Variants in PIK3R2 observed in about 807,000 individuals in gnomAD.
The protein encoded by PIK3R2 is phosphatidylinositol 3-kinase regulatory subunit beta.
PIK3R2 carries 40 observed loss-of-function variants against 78.5 expected under a neutral mutation model. The ratio of observed to expected loss-of-function variants is 0.51; its 90% CI spans 0.40 to 0.66. The LOEUF (loss-of-function observed/expected upper bound fraction) is 0.66, where lower values mean the gene tolerates loss of function less well. Ranked by LOEUF, PIK3R2 falls within the 30% of genes least tolerant of loss-of-function variation. The probability of loss-of-function intolerance (pLI) is 0.00; values close to 1 mark genes in which losing one functional copy is unlikely to be tolerated. For missense variants in PIK3R2, 880 were observed against 1,026.6 expected (o/e 0.86, Z 1.95); for synonymous variants, 473 against 457.7 (o/e 1.03, Z -0.43).
At position 18,162,473 on chromosome 19, in the gene PIK3R2, G is replaced by C. The variant is rs1041937206; in HGVS notation, c.1076G>C (p.Ser359Thr). 1.1e-5 allele frequency: 17 copies of C among 1,613,306 alleles called. No individual in the cohort carries two copies. The Admixed American group carries it at 1.3e-4, about 13-fold the overall frequency. The change falls in exon 9 of 16, where the codon AGC (serine) becomes ACC (threonine). Residue 359 changes from serine to threonine, a missense_variant. Around this residue, in one of 3 missense-constraint regions of PIK3R2, gnomAD observed 156 missense variants for 241.0 expected, o/e 0.65. Coordinates refer to ENST00000222254, the MANE Select transcript of PIK3R2 (RefSeq NM_005027.4). The stretch of plus-strand genomic sequence containing the variant: ...ACCTTCCTAGTCCGAGATGCTTCTA[G>C]CAAGATCCAGGGCGAGTACACGCTG... ...DGTFLVRDAS[S>T]KIQGEYTLTL... is the part of the protein sequence containing the mutation.
chr19:18,156,847 G>C lies in PIK3R2; in HGVS notation c.322+646G>C, dbSNP rs943037618. 6.6e-6 allele frequency among the ~76,000 whole-genome samples: 1 copy of C among 152,028 alleles called. No homozygotes were observed. The highest frequency in any genetic ancestry group is 1.5e-5 in the Non-Finnish European group (1 of 67,982). ...ACTTGCCAGGGGTGTGCCAGGTGTA[G>C]AGAATCGGGGGCACCGAGCCCACTC... On this transcript the variant is annotated intron_variant, in intron 2 of 15. Transcript: ENST00000222254. The surrounding 1 kb of genome is among the most constrained non-coding windows in gnomAD (Gnocchi z 4.2).
At chr19:18,160,350 G>A (rs2043727941) in intron 2 of PIK3R2, 121 bp from the exon 3 acceptor site, 1 of 684,482 alleles carries the variant, frequency 1.5e-6, no homozygotes, top group Non-Finnish European at 2.6e-6. Flanking sequence ...AAGGTGCCAA[G>A]CACTTGCCTG....
intron 1 of PIK3R2, among the ~76,000 whole-genome samples, chr19:18,154,226 A>C (rs371392224): frequency 7.0e-4 from 106 of 152,170 alleles, no homozygotes; most frequent in African/African-American, 2.5e-3. Context: ...CTGAACCCGC[A>C]GGGCTAGGCT....
In PIK3R2 at chr19:18,162,446, G is replaced by A. The variant is rs2147952176; in HGVS notation, c.1049G>A (p.Gly350Asp). Residue 350 changes from glycine (G) to aspartate (D), a missense_variant, in exon 9 of 16, where the codon GGC (glycine) becomes GAC (aspartate). By Grantham distance (94) the Gly-to-Asp change is moderately conservative. This residue lies in a region of PIK3R2 where 156 missense variants were observed against 241.0 expected (regional missense o/e 0.65). Coordinates refer to ENST00000222254, the MANE Select transcript of PIK3R2 (RefSeq NM_005027.4). ...VNEKLRDTPD[G>D]TFLVRDASSK... is the part of the protein sequence containing the mutation. ...GAGAAACTCCGGGACACTCCCGATGGCACCTTCCTAGTCCGAGATGCTTCT... is the reference window on the plus strand; with the variant it reads ...GAGAAACTCCGGGACACTCCCGATGACACCTTCCTAGTCCGAGATGCTTCT... 1 of 1,613,596 alleles carries A rather than the reference G, an allele frequency of 6.2e-7. No individual in the cohort carries two copies.
intron 2 of PIK3R2, among the ~76,000 whole-genome samples, chr19:18,158,716 T>G (rs1324984809): frequency 2.0e-5 from 3 of 152,202 alleles, no homozygotes; most frequent in South Asian, 4.1e-4. Flanking sequence ...TGGCCAAGAT[T>G]GCACAGCAGG....
chr19:18,163,478 G>A (rs2043774650), intron 11 of PIK3R2, 90 bp downstream of exon 11: 1 of 1,411,450 alleles, frequency 7.1e-7, no homozygotes, highest in East Asian at 2.3e-5. Flanking sequence ...GAGGACTTGA[G>A]GATGAATATC....
chr19:18,159,421 T>C (rs189587902), intron 2 of PIK3R2, among the ~76,000 whole-genome samples: 7 of 152,020 alleles, frequency 4.6e-5, no homozygotes, highest in African/African-American at 1.4e-4. Flanking sequence ...CATGGGTTGA[T>C]TATTCCAGTC....
At chr19:18,157,364 C>T (rs76744457) in intron 2 of PIK3R2, among the ~76,000 whole-genome samples, 5,837 of 151,862 alleles carry the variant, frequency 0.038, 150 homozygotes, top group Non-Finnish European at 0.05. Flanking sequence ...CCACCATACA[C>T]GGCCCCACGT....
rs759031507 is a variant in PIK3R2, at chr19:18,162,221, C to T, written c.921C>T (p.Pro307=). Reference sequence around the variant, plus strand: ...CCCCAGCGCTGCCGCCTAAACCCCCCAAGGCAAAGCCGGCCTCCACAGTCC... The same window carrying T: ...CCCCAGCGCTGCCGCCTAAACCCCCTAAGGCAAAGCCGGCCTCCACAGTCC... ...VAPPALPPKP[P]KAKPASTVLA... Residue 307 remains proline (P), a synonymous_variant, in exon 8 of 16, where the codon CCC becomes CCT. Transcript: ENST00000222254. The T allele has an allele frequency of 1.5e-5, 24 of 1,591,864 alleles. No individual in the cohort carries two copies. In the South Asian group the frequency reaches 2.5e-4, roughly 17 times the overall value.
Position 18,161,889 on chromosome 19 carries a change from G to C in PIK3R2, c.816-77G>C, listed in dbSNP as rs2043751648. 5 of 1,189,068 alleles carry C rather than the reference G, an allele frequency of 4.2e-6. No homozygotes were observed. The highest frequency in any genetic ancestry group is 6.3e-6 in the Non-Finnish European group (5 of 797,234). 73.7% of individuals were successfully genotyped at this position (1,189,068 alleles called of 1,614,324 possible). On this transcript the variant is annotated intron_variant, in intron 6 of 15. Coordinates refer to ENST00000222254, the MANE Select transcript of PIK3R2 (RefSeq NM_005027.4). The surrounding 1 kb of genome is among the most constrained non-coding windows in gnomAD (Gnocchi z 5.3). ...CTCGTATATACCCCCAGGCGTGCAA[G>C]CGCACGCACAATCCTGTGCACATGC...
Position 18,156,206 on chromosome 19 carries a change from G to A in PIK3R2, c.322+5G>A. On this transcript the variant is annotated splice_donor_5th_base_variant and intron_variant, in intron 2 of 15. Transcript: ENST00000222254. This position sits in a 1 kb window ranked among gnomAD's most constrained non-coding sequence, Gnocchi z 4.2. The stretch of plus-strand genomic sequence containing the variant: ...GTGATGGGGCCCCTGAGCCAGGTGA[G>A]CAGCAAGCAGGGGCCCTGGAAAGGG... The A allele has an allele frequency of 2.0e-6, 3 of 1,467,600 alleles. No homozygotes were observed. The South Asian group carries it at 4.3e-5, about 21-fold the overall frequency. 90.9% of individuals were successfully genotyped at this position (1,467,600 alleles called of 1,614,324 possible).
At chr19:18,166,356 A>T in intron 12 of PIK3R2, 54 bp downstream of exon 12, 1 of 1,491,766 alleles carries the variant, frequency 6.7e-7, no homozygotes, top group African/African-American at 1.4e-5. Context: ...GTGCAGTACA[A>T]GCCAGGGAGG....
Position 18,169,269 on chromosome 19 carries a change from C to G in PIK3R2, c.2162C>G (p.Pro721Arg). 6.6e-7 allele frequency: 1 copy of G among 1,521,270 alleles called. No individual in the cohort carries two copies. The highest frequency in any genetic ancestry group is 8.8e-7 in the Non-Finnish European group (1 of 1,141,534). 94.2% of individuals were successfully genotyped at this position (1,521,270 alleles called of 1,614,324 possible). Residue 721 changes from proline (P) to arginine (R), a missense_variant, in exon 16 of 16, where the codon CCC becomes CGC. Transcript: ENST00000222254. ...TLAHPVRAPG[P>R]GPPPAAR ...GCGCACCCAGTGCGCGCCCCGGGCC[C>G]CGGCCCGCCGCCTGCCGCCCGCTGA...
chr19:18,162,546 G>A, intron 9 of PIK3R2, 40 bp downstream of exon 9: 1 of 1,539,796 alleles, frequency 6.5e-7, no homozygotes, highest in Non-Finnish European at 9.0e-7. Flanking sequence ...GGGGTCACAG[G>A]TCACAGAGAC....
In PIK3R2 at chr19:18,166,266, G is replaced by A. The variant is rs143821279; in HGVS notation, c.1523G>A (p.Arg508His). The A allele has an allele frequency of 2.7e-5, 44 of 1,614,164 alleles. No individual in the cohort carries two copies. Among genetic ancestry groups the A allele is most frequent in the South Asian group, 3.3e-5 (3 of 91,082 alleles). The change falls in exon 12 of 16, where the codon CGC becomes CAC. Residue 508 changes from arginine (R) to histidine (H), a missense_variant. Coordinates refer to ENST00000222254, the MANE Select transcript of PIK3R2 (RefSeq NM_005027.4). ...QEKCSKEYLE[R>H]FRREGNEKEM... ...AAATGCAGCAAGGAATACCTGGAGC[G>A]CTTCCGGCGTGAGGGCAACGAGAAA...
In PIK3R2 at chr19:18,156,144, C is replaced by T. The variant is rs759139578; in HGVS notation, c.265C>T (p.Arg89Cys). 1.3e-5 allele frequency: 19 copies of T among 1,475,706 alleles called. No individual in the cohort carries two copies. The East Asian group carries it at 3.2e-4, about 25-fold the overall frequency. The allele number at this position is 1,475,706 out of a possible 1,614,324, so 91.4% of individuals were successfully genotyped here. Reference sequence around the variant, plus strand: ...CGTGGCCCTGGCCCGGCCCGGCCCTCGCCCACGGGGCCCCCGCCCACTGCC... The same window carrying T: ...CGTGGCCCTGGCCCGGCCCGGCCCTTGCCCACGGGGCCCCCGCCCACTGCC... Reference protein sequence around the residue: ...GPVALARPGPRPRGPRPLPAR... With the variant: ...GPVALARPGPCPRGPRPLPAR... The change falls in exon 2 of 16, where the codon CGC becomes TGC. Residue 89 changes from arginine to cysteine, a missense_variant. Transcript: ENST00000222254. This position sits in a 1 kb window ranked among gnomAD's most constrained non-coding sequence, Gnocchi z 4.2.
chr19:18,169,077 G>T lies in PIK3R2; in HGVS notation c.1980-10G>T. On this transcript the variant is annotated splice_polypyrimidine_tract_variant and intron_variant, in intron 15 of 15. Coordinates refer to ENST00000222254, the MANE Select transcript of PIK3R2 (RefSeq NM_005027.4). Reference sequence around the variant, plus strand: ...AGCCTTCCGACTCCCCCTCTCGTCTGCCCCCACAGAGTGGACGGCGACACC... The same window carrying T: ...AGCCTTCCGACTCCCCCTCTCGTCTTCCCCCACAGAGTGGACGGCGACACC... The T allele has an allele frequency of 6.2e-7, 1 of 1,607,922 alleles. No homozygotes were observed. The highest frequency in any genetic ancestry group is 8.5e-7 in the Non-Finnish European group (1 of 1,177,984).
At chr19:18,166,831 A>G (rs2043815161) in intron 12 of PIK3R2, among the ~76,000 whole-genome samples, 1 of 151,922 alleles carries the variant, frequency 6.6e-6, no homozygotes, top group Non-Finnish European at 1.5e-5. Flanking sequence ...GGTGCAAAGT[A>G]GGTCCTTGAG....
chr19:18,163,308 C>T lies in PIK3R2; in HGVS notation c.1336C>T (p.Leu446Phe). The T allele has an allele frequency of 6.2e-7, 1 of 1,614,040 alleles. No homozygotes were observed. The highest frequency in any genetic ancestry group is 8.5e-7 in the Non-Finnish European group (1 of 1,179,990). The stretch of plus-strand genomic sequence containing the variant: ...CAGCGTGGAGGCAGTGGGCGCCCAG[C>T]TTAAGGTCTATCACCAGCAGTACCA... ...EDSVEAVGAQ[L>F]KVYHQQYQDK... The change falls in exon 11 of 16, where the codon CTT becomes TTT. Residue 446 changes from leucine (L) to phenylalanine (F), a missense_variant. Physicochemically the swap from Leu to Phe is conservative, Grantham distance 22. Transcript: ENST00000222254.
Sources: gnomAD v4.1 joint callset for allele counts (sites outside exome capture counted in the v4.1 genomes callset) on GRCh38, gnomAD v4.1.1 for gene constraint, gnomAD v4.1.1 regional missense constraint, Gnocchi (gnomAD v3.1) non-coding constraint, MANE v1.5 for transcripts, NCBI Gene and HGNC (gene_info 2026-07-23, HGNC 2026-07-21) for gene names.